The following TCF7L1 variants were observed in gnomAD, a reference collection of about 807,000 sequenced individuals.
TCF7L1 encodes the protein transcription factor 7-like 1.
In TCF7L1, 18 loss-of-function variants were observed where a neutral mutation model predicts 63.7. The ratio of observed to expected loss-of-function variants is 0.28; its 90% CI spans 0.20 to 0.42. TCF7L1 has a LOEUF of 0.42. TCF7L1 is among the 10% of genes least tolerant of loss of function. The pLI is 1.00. For synonymous variants in TCF7L1, 355 were observed against 340.9 expected, an observed-to-expected ratio of 1.04 and a Z score of -0.46; for missense variants, 654 against 779.3, an observed-to-expected ratio of 0.84 and a Z score of 1.91.
intron 3 of TCF7L1, among the ~76,000 whole-genome samples, chr2:85,228,239 G>A (rs1273370837): frequency 6.6e-6 from 1 of 151,986 alleles, no homozygotes; most frequent in East Asian, 1.9e-4. Flanking sequence ...GGGCAACATA[G>A]CGAGACCCAG....
chr2:85,252,008 G>A (rs955496762), intron 3 of TCF7L1, among the ~76,000 whole-genome samples: 1 of 152,162 alleles, frequency 6.6e-6, no homozygotes, highest in African/African-American at 2.4e-5. Flanking sequence ...CCAGGAGGTC[G>A]AGACTTCAGT....
chr2:85,269,131 G>A (rs571821767), intron 3 of TCF7L1, among the ~76,000 whole-genome samples: 1 of 152,178 alleles, frequency 6.6e-6, no homozygotes, highest in Non-Finnish European at 1.5e-5. Flanking sequence ...GAGTCTGTGT[G>A]CAGAACCTCT....
intron 3 of TCF7L1, among the ~76,000 whole-genome samples, chr2:85,151,118 T>G (rs2104205208): frequency 6.6e-6 from 1 of 152,320 alleles, no homozygotes; most frequent in Non-Finnish European, 1.5e-5. Flanking sequence ...TATGTCTGGA[T>G]CAAAGATGAT....
At chr2:85,136,531 T>A (rs1031142909) in intron 3 of TCF7L1, among the ~76,000 whole-genome samples, 1 of 152,196 alleles carries the variant, frequency 6.6e-6, no homozygotes, top group Non-Finnish European at 1.5e-5. Flanking sequence ...TTCCCTGCCC[T>A]GGCCCAGGCA....
At chr2:85,217,001 C>T (rs1449645189) in intron 3 of TCF7L1, 1 of 152,158 alleles carries the variant, frequency 6.6e-6, no homozygotes, top group Non-Finnish European at 1.5e-5. Context: ...TTCTTAATGA[C>T]CCCATTCATT....
At chr2:85,193,514 A>T (rs1679085007) in intron 3 of TCF7L1, among the ~76,000 whole-genome samples, 2 of 152,180 alleles carry the variant, frequency 1.3e-5, no homozygotes, top group South Asian at 2.1e-4. Flanking sequence ...GCGAGACCTC[A>T]TGTCTATATT....
In TCF7L1 at chr2:85,178,129, C is replaced by T. The variant is rs115403239; in HGVS notation, c.441+43679C>T. Among the ~76,000 whole-genome samples, 1,324 of 152,240 alleles carry T rather than the reference C, an allele frequency of 8.7e-3. 25 individuals carry two copies. Among genetic ancestry groups the T allele is most frequent in the South Asian group, 0.035 (167 of 4,820 alleles). The stretch of plus-strand genomic sequence containing the variant: ...AATGGTATGAGGTAGGGCTACACTA[C>T]GCTCCCAGAGACGTCTCCATGGACA... On this transcript the variant is annotated intron_variant, in intron 3 of 11. Transcript: ENST00000282111.
At chr2:85,272,826 A>G (rs1035912122) in intron 3 of TCF7L1, among the ~76,000 whole-genome samples, 6 of 152,262 alleles carry the variant, frequency 3.9e-5, no homozygotes, top group South Asian at 4.1e-4. Flanking sequence ...CAATCAATCA[A>G]TCAATAAAAA....
intron 3 of TCF7L1, among the ~76,000 whole-genome samples, chr2:85,238,126 C>T (rs1022181851): frequency 6.6e-6 from 1 of 152,028 alleles, no homozygotes; most frequent in Non-Finnish European, 1.5e-5. Flanking sequence ...GCAGTGGCAG[C>T]GAGCGAGGGA....
At chr2:85,286,368 A>AAC (rs371646721) in intron 4 of TCF7L1, among the ~76,000 whole-genome samples, 20 of 112,162 alleles carry the variant, frequency 1.8e-4, no homozygotes, top group South Asian at 1.4e-3. Flanking sequence ...AAAAACAAAC[A>AAC]AACAAAAAAA....
intron 3 of TCF7L1, among the ~76,000 whole-genome samples, chr2:85,196,662 AC>A (rs1253231923): frequency 6.6e-6 from 1 of 151,966 alleles, no homozygotes; most frequent in Non-Finnish European, 1.5e-5. Flanking sequence ...AAGCCACCAC[AC>A]CCAGCCCGGA....
At chr2:85,156,803 A>G (rs996712585) in intron 3 of TCF7L1, among the ~76,000 whole-genome samples, 1 of 152,262 alleles carries the variant, frequency 6.6e-6, no homozygotes, top group Non-Finnish European at 1.5e-5. Context: ...ACATGTGTGC[A>G]TGATGAATAA....
At chr2:85,197,160 G>A (rs1321813460) in intron 3 of TCF7L1, among the ~76,000 whole-genome samples, 1 of 152,054 alleles carries the variant, frequency 6.6e-6, no homozygotes, top group African/African-American at 2.4e-5. Flanking sequence ...GTATTAATCC[G>A]AGCACTTTGC....
rs5832641 is a variant in TCF7L1, at chr2:85,265,292, TA to T, written c.442-18190del. On this transcript the variant is annotated intron_variant, in intron 3 of 11. Coordinates refer to ENST00000282111, the MANE Select transcript of TCF7L1 (RefSeq NM_031283.3). ...CGCACATTAATATTACCTGGGAGCT[TA>T]AAAAAAAAAAAAGTAGATGCTTAAG... 3.1e-3 allele frequency among the ~76,000 whole-genome samples: 459 copies of T among 146,044 alleles called. 7 individuals are homozygous for T. The highest frequency in any genetic ancestry group is 0.021 in the East Asian group (105 of 5,026).
At chr2:85,218,257 T>A (rs1036087058) in intron 3 of TCF7L1, among the ~76,000 whole-genome samples, 13 of 151,682 alleles carry the variant, frequency 8.6e-5, no homozygotes, top group African/African-American at 1.2e-4. Context: ...TATTTATTTA[T>A]TTATTTATTT....
At chr2:85,308,439 C>CCCT (rs1558663479) in intron 11 of TCF7L1, among the ~76,000 whole-genome samples, 2 of 110,808 alleles carry the variant, frequency 1.8e-5, no homozygotes, top group Non-Finnish European at 3.7e-5. Flanking sequence ...TTTTCTCCCT[C>CCCT]CCTTTCTCTT....
At chr2:85,308,734 A>C (rs551844498) in intron 11 of TCF7L1, among the ~76,000 whole-genome samples, 1 of 152,064 alleles carries the variant, frequency 6.6e-6, no homozygotes, top group South Asian at 2.1e-4. Context: ...CAAACTGGAG[A>C]TTCATCCCAA....
At position 85,167,709 on chromosome 2, in the gene TCF7L1, C is replaced by T. The variant is rs184366196; in HGVS notation, c.441+33259C>T. On this transcript the variant is annotated intron_variant, in intron 3 of 11. Coordinates refer to ENST00000282111, the MANE Select transcript of TCF7L1 (RefSeq NM_031283.3). Reference sequence around the variant, plus strand: ...TGAGACCCCGTGTCTAAGAAAAATACAAAAATAAGCTGAGCATGGTGGCAC... The same window carrying T: ...TGAGACCCCGTGTCTAAGAAAAATATAAAAATAAGCTGAGCATGGTGGCAC... Among the ~76,000 whole-genome samples the T allele has an allele frequency of 7.9e-5, 12 of 152,180 alleles. No homozygotes were observed. The East Asian group carries it at 2.3e-3, about 29-fold the overall frequency.
At chr2:85,303,850 T>TG (rs554138340) in intron 5 of TCF7L1, 45 bp from the exon 6 acceptor site, 491 of 1,453,892 alleles carry the variant, frequency 3.4e-4, no homozygotes, top group Non-Finnish European at 4.3e-4. Context: ...TAAGGTGCTC[T>TG]GGCAGGGCGA....
Sources: gnomAD v4.1 joint callset for allele counts (sites outside exome capture counted in the v4.1 genomes callset) on GRCh38, gnomAD v4.1.1 for gene constraint, MANE v1.5 for transcripts, NCBI Gene and HGNC (gene_info 2026-07-23, HGNC 2026-07-21) for gene names.